Variants in FLT4 observed in about 807,000 individuals in gnomAD.
FLT4 encodes the protein vascular endothelial growth factor receptor 3.
A neutral mutation model predicts 163.2 loss-of-function variants in FLT4; 30 were observed. The observed-to-expected ratio is 0.18, with a 90% CI of 0.14 to 0.25. The LOEUF (loss-of-function observed/expected upper bound fraction) is 0.25. Ranked by LOEUF, FLT4 falls within the 10% of genes least tolerant of loss-of-function variation. The pLI is 1.00. For synonymous variants in FLT4, 884 were observed against 789.5 expected (o/e 1.12, Z -2.01); for missense variants, 1,510 against 1,863.8 (o/e 0.81, Z 3.50).
intron 2 of FLT4, among the ~76,000 whole-genome samples, chr5:180,631,289 C>G (rs377537391): frequency 6.6e-6 from 1 of 151,880 alleles, no homozygotes; most frequent in African/African-American, 2.4e-5. Flanking sequence ...CTGCTTAACA[C>G]GGTGAAACCC....
Position 180,602,063 on chromosome 5 carries a change from G to A in FLT4, c.*1129C>T. ...GGATCTCTCGGCTGCTCCTCTGGGA[G>A]GGCGGCATTCTGACCAGCCAGGGTG... On this transcript the variant is annotated 3_prime_UTR_variant, in exon 30 of 30. Transcript: ENST00000261937. The A allele has an allele frequency of 4.3e-6, 1 of 233,538 alleles. No individual in the cohort carries two copies. The highest frequency in any genetic ancestry group is 8.5e-6 in the Non-Finnish European group (1 of 118,212). 14.5% of individuals were successfully genotyped at this position (233,538 alleles called of 1,614,324 possible).
intron 1 of FLT4, 132 bp from the exon 2 acceptor site, chr5:180,631,910 ACCGCGTGGCCTGGCCT>A: frequency 4.8e-6 from 3 of 621,290 alleles, no homozygotes; most frequent in Non-Finnish European, 8.7e-6. Context: ...CTCAGCCAGC[ACCGCGTGGCCTGGCCT>A]CACCATGTGC....
At chr5:180,613,838 T>G in intron 24 of FLT4, 2 of 594,048 alleles carry the variant, frequency 3.4e-6, no homozygotes, top group East Asian at 6.0e-5. Flanking sequence ...GGCTCAGGCT[T>G]CAATGTGCAC....
chr5:180,604,858 TTTCAG>T (rs1205267795), intron 29 of FLT4, among the ~76,000 whole-genome samples: 1 of 152,246 alleles, frequency 6.6e-6, no homozygotes, highest in Non-Finnish European at 1.5e-5. Flanking sequence ...TTTTGCCTCT[TTTCAG>T]TTTTGTTTTC....
intron 26 of FLT4, 168 bp downstream of exon 26, chr5:180,612,338 A>G (rs1762275912): frequency 1.5e-6 from 1 of 652,100 alleles, no homozygotes; most frequent in Admixed American, 2.3e-5. Flanking sequence ...CAACAGAAAG[A>G]TGCAAGGGTG....
chr5:180,620,759 A>T lies in FLT4; in HGVS notation c.2300-44T>A, dbSNP rs779317054. 1 of 1,574,830 alleles carries T rather than the reference A, an allele frequency of 6.3e-7. No homozygotes were observed. Among genetic ancestry groups the T allele is most frequent in the Non-Finnish European group, 8.7e-7 (1 of 1,150,024 alleles). On this transcript the variant is annotated intron_variant, in intron 15 of 29. Transcript: ENST00000261937. This position sits in a 1 kb window ranked among gnomAD's most constrained non-coding sequence, Gnocchi z 4.4. ...GCCGGCGTGTGTGTGTGTGTGTGTAAGAGCGTGCACCTGCAGGCAGCACCC... is the reference window on the plus strand; with the variant it reads ...GCCGGCGTGTGTGTGTGTGTGTGTATGAGCGTGCACCTGCAGGCAGCACCC...
chr5:180,644,334 G>T (rs961940491), intron 1 of FLT4, among the ~76,000 whole-genome samples: 2 of 152,206 alleles, frequency 1.3e-5, no homozygotes, highest in African/African-American at 2.4e-5. Flanking sequence ...GGGCACGCCG[G>T]GCGTGTGGTG....
Position 180,612,328 on chromosome 5 carries a change from C to A in FLT4, c.3537+178G>T, listed in dbSNP as rs111947669. On this transcript the variant is annotated intron_variant, in intron 26 of 29. Transcript: ENST00000261937. ...TGGAGCTGTGCAGCGGGTGTGTACT[C>A]AACAGAAAGATGCAAGGGTGTGGGG... 2.3e-3 allele frequency: 1,459 copies of A among 635,574 alleles called. 18 individuals are homozygous for A. Among genetic ancestry groups the A allele is most frequent in the African/African-American group, 0.019 (1,064 of 55,292 alleles). The allele number at this position is 635,574 out of a possible 1,614,324, so 39.4% of individuals were successfully genotyped here. A position where few individuals can be genotyped will look rare whatever the true frequency, so the allele number is the denominator to read the frequency against.
chr5:180,630,666 G>A lies in FLT4; in HGVS notation c.289C>T (p.Leu97=), dbSNP rs768130578. ...TDARPYCKVL[L]LHEVHANDTG... ...TCGTTGGCATGTACCTCGTGCAGCA[G>A]CAACACCTTGCAGTAGGGCCTGGCG... The change falls in exon 3 of 30, where the codon CTG becomes TTG. Residue 97 remains leucine, a synonymous_variant. Transcript: ENST00000261937. The surrounding 1 kb of genome is among the most constrained non-coding windows in gnomAD (Gnocchi z 6.3). 2 of 1,613,204 alleles carry A rather than the reference G, an allele frequency of 1.2e-6. No homozygotes were observed. Among genetic ancestry groups the A allele is most frequent in the Non-Finnish European group, 1.7e-6 (2 of 1,179,984 alleles).
At chr5:180,645,183 G>T (rs1191739955) in intron 1 of FLT4, among the ~76,000 whole-genome samples, 1 of 152,232 alleles carries the variant, frequency 6.6e-6, no homozygotes, top group Non-Finnish European at 1.5e-5. Context: ...GGGCAGAATG[G>T]AGACAAATTT....
chr5:180,625,219 A>G (rs1442524030), intron 10 of FLT4, among the ~76,000 whole-genome samples: 1 of 152,166 alleles, frequency 6.6e-6, no homozygotes, highest in Non-Finnish European at 1.5e-5. Flanking sequence ...CTGGCTCCCT[A>G]GTGCCTTCAA....
Position 180,616,382 on chromosome 5 carries a change from G to A in FLT4, c.3204C>T (p.Tyr1068=), listed in dbSNP as rs370856459. 6.6e-5 allele frequency: 106 copies of A among 1,613,968 alleles called. No homozygotes were observed. In the African/African-American group the frequency reaches 8.1e-4, roughly 12 times the overall value. The part of the protein sequence containing the change: ...LARDIYKDPD[Y]VRKGSARLPL... ...CTGCACTCACACTGCCCTTGCGGACGTAGTCGGGGTCTTTGTAGATGTCCC... is the reference window on the plus strand; with the variant it reads ...CTGCACTCACACTGCCCTTGCGGACATAGTCGGGGTCTTTGTAGATGTCCC... The change falls in exon 23 of 30, where the codon TAC becomes TAT. Residue 1068 remains tyrosine, a synonymous_variant. Transcript: ENST00000261937.
chr5:180,648,503 G>A (rs369885376), intron 1 of FLT4, among the ~76,000 whole-genome samples: 1 of 152,128 alleles, frequency 6.6e-6, no homozygotes, highest in African/African-American at 2.4e-5. Flanking sequence ...GAAATGTTGA[G>A]GTCCCCGTCG....
intron 29 of FLT4, among the ~76,000 whole-genome samples, chr5:180,606,936 G>C (rs1423730483): frequency 6.6e-6 from 1 of 151,462 alleles, no homozygotes; most frequent in Non-Finnish European, 1.5e-5. Context: ...AACTTAGCTG[G>C]GCGTGGTGGC....
At chr5:180,612,478 A>G in intron 26 of FLT4, 28 bp downstream of exon 26, 2 of 1,547,486 alleles carry the variant, frequency 1.3e-6, no homozygotes, top group East Asian at 4.5e-5. Context: ...CAAAGGCCAT[A>G]GTAGAACAGG....
Position 180,618,816 on chromosome 5 carries a change from G to C in FLT4, c.2955C>G (p.Phe985Leu). 5 of 1,585,818 alleles carry C rather than the reference G, an allele frequency of 3.2e-6. No homozygotes were observed. The highest frequency in any genetic ancestry group is 4.3e-6 in the Non-Finnish European group (5 of 1,166,844). Reference sequence around the variant, plus strand: ...GCCTCGCTCCGCCCTCGGTCTTCGAGAACCGCGCGAAGAGGACCCTGTCGC... The same window carrying C: ...GCCTCGCTCCGCCCTCGGTCTTCGACAACCGCGCGAAGAGGACCCTGTCGC... ...GSSDRVLFAR[F>L]SKTEGGARRA... Residue 985 changes from phenylalanine to leucine, a missense_variant, in exon 21 of 30, where the codon TTC (phenylalanine) becomes TTG (leucine). Phe to Leu is a conservative substitution (Grantham distance 22). Transcript: ENST00000261937.
intron 6 of FLT4, 54 bp from the exon 7 acceptor site, chr5:180,629,481 C>G (rs1763916320): frequency 6.3e-7 from 1 of 1,595,994 alleles, no homozygotes; most frequent in South Asian, 1.1e-5. Flanking sequence ...GCACAGCTAC[C>G]CCACCGAAGG....
In FLT4 at chr5:180,613,034, G is replaced by A; in HGVS notation, c.3408C>T (p.Ala1136=). ...ACATGGCGGGAGTGGCCAGCTCCGG[G>A]GCCCTCATCCTTGTGCCGTCTCTCA... ...QRLRDGTRMR[A]PELATPAIRR... is the part of the protein sequence containing the mutation. Residue 1136 remains alanine (A), a synonymous_variant, in exon 25 of 30, where the codon GCC becomes GCT. Coordinates refer to ENST00000261937, the MANE Select transcript of FLT4 (RefSeq NM_182925.5). The A allele has an allele frequency of 1.2e-6, 2 of 1,613,260 alleles. No homozygotes were observed. The highest frequency in any genetic ancestry group is 1.7e-6 in the Non-Finnish European group (2 of 1,179,502).
chr5:180,616,333 C>T (rs778042490), intron 23 of FLT4, 34 bp downstream of exon 23: 12 of 1,613,614 alleles, frequency 7.4e-6, no homozygotes, highest in South Asian at 4.4e-5. Context: ...CCTGTTCCGC[C>T]CCACGTTCCC....
Sources: gnomAD v4.1 joint callset for allele counts (sites outside exome capture counted in the v4.1 genomes callset) on GRCh38, gnomAD v4.1.1 for gene constraint, Gnocchi (gnomAD v3.1) non-coding constraint, MANE v1.5 for transcripts, NCBI Gene and HGNC (gene_info 2026-07-23, HGNC 2026-07-21) for gene names.